MYH3: variants seen among roughly 807,000 people sequenced by gnomAD.
MYH3 encodes myosin heavy chain 3, also known as myosin-3.
Under a neutral mutation model 238.0 loss-of-function variants are expected in MYH3, and 130 were observed. The observed-to-expected ratio is 0.55, with a 90% CI of 0.47 to 0.63. The LOEUF (loss-of-function observed/expected upper bound fraction) is 0.63. MYH3 is among the 30% of genes least tolerant of loss of function. The probability of loss-of-function intolerance (pLI) is 0.00; values close to 1 mark genes in which losing one functional copy is unlikely to be tolerated. For synonymous variants in MYH3, 880 were observed against 924.1 expected, an observed-to-expected ratio of 0.95 and a Z score of 0.86; for missense variants, 1,853 against 2,374.9, an observed-to-expected ratio of 0.78 and a Z score of 4.57.
Position 10,633,612 on chromosome 17 carries a change from C to A in MYH3, c.4626G>T (p.Gln1542His). The A allele has an allele frequency of 6.2e-7, 1 of 1,613,670 alleles. No individual in the cohort carries two copies. Among genetic ancestry groups the A allele is most frequent in the Non-Finnish European group, 8.5e-7 (1 of 1,179,924 alleles). ...TCACCTCTGCTTCCTCGAGAGCCAG[C>A]TGGATATCAGCCTTTTCCAGCTCAA... ...KQIELEKADI[Q>H]LALEEAEAAL... is the part of the protein sequence containing the mutation. The change falls in exon 33 of 41, where the codon CAG (glutamine) becomes CAT (histidine). Residue 1542 changes from glutamine to histidine, a missense_variant. Physicochemically the swap from Gln to His is conservative, Grantham distance 24. Around this residue, in one of 3 missense-constraint regions of MYH3, gnomAD observed 1,044 missense variants for 1,192.6 expected, o/e 0.88. Transcript: ENST00000583535.
Position 10,646,021 on chromosome 17 carries a change from T to C in MYH3, c.910A>G (p.Ile304Val), listed in dbSNP as rs886052586. 4.3e-6 allele frequency: 7 copies of C among 1,613,670 alleles called. No individual in the cohort carries two copies. Among genetic ancestry groups the C allele is most frequent in the Non-Finnish European group, 5.9e-6 (7 of 1,179,672 alleles). ...GGGTAGTCGTAAGGGTTGGTCGTAA[T>C]AAGCAGCAGCTCTGAAATGACAAAT... Reference protein sequence around the residue: ...KKPELIELLLITTNPYDYPFI... With the variant: ...KKPELIELLLVTTNPYDYPFI... Residue 304 changes from isoleucine to valine, a missense_variant, in exon 11 of 41, where the codon ATT becomes GTT. This residue lies in a region of MYH3 where 678 missense variants were observed against 1,058.9 expected (regional missense o/e 0.64). Coordinates refer to ENST00000583535, the MANE Select transcript of MYH3 (RefSeq NM_002470.4).
At chr17:10,636,978 G>A (rs62060694) in intron 28 of MYH3, among the ~76,000 whole-genome samples, 87,365 of 151,612 alleles carry the variant, frequency 0.58, 28,003 homozygotes, top group Non-Finnish European at 0.73. Context: ...ACTGCCAGCC[G>A]AGGATGGATT....
chr17:10,633,860 G>C, intron 32 of MYH3, 145 bp from the exon 33 acceptor site: 1 of 1,473,060 alleles, frequency 6.8e-7, no homozygotes, highest in South Asian at 1.1e-5. Context: ...TACAGAGAGA[G>C]GCTAAAACGT....
chr17:10,660,393 T>C (rs1201400530), upstream of MYH3, among the ~76,000 whole-genome samples: 1 of 152,146 alleles, frequency 6.6e-6, no homozygotes, highest in Admixed American at 6.5e-5. Flanking sequence ...AAATAGTTTC[T>C]GGCCGGGCGC....
intron 24 of MYH3, 24 bp downstream of exon 24, chr17:10,639,274 T>C (rs1271633560): frequency 6.2e-7 from 1 of 1,614,028 alleles, no homozygotes; most frequent in African/African-American, 1.3e-5. Context: ...GTTCTGGGAC[T>C]CCCGATGAGC....
intron 4 of MYH3, 120 bp from the exon 5 acceptor site, chr17:10,651,788 G>A (rs1187055927): frequency 7.4e-7 from 1 of 1,351,624 alleles, no homozygotes; most frequent in African/African-American, 1.6e-5. Context: ...TCTGTCACCA[G>A]GCTGGAGTGC....
chr17:10,671,117 C>T, the MYH3 span, among the ~76,000 whole-genome samples: 1 of 152,166 alleles, frequency 6.6e-6, no homozygotes, highest in Admixed American at 6.5e-5. Flanking sequence ...TGGTCTCGAA[C>T]TCCTGACCTC....
At chr17:10,674,381 G>A in the MYH3 span, 868 of 225,772 alleles carry the variant, frequency 3.8e-3, 4 homozygotes, top group Non-Finnish European at 6.0e-3. Flanking sequence ...AGCCAAGATC[G>A]CACCACTGCT....
chr17:10,651,600 C>T lies in MYH3; in HGVS notation c.417G>A (p.Val139=), dbSNP rs942862860. 1.2e-6 allele frequency: 2 copies of T among 1,613,982 alleles called. No homozygotes were observed. Among genetic ancestry groups the T allele is most frequent in the Admixed American group, 3.3e-5 (2 of 60,010 alleles). ...GCTTTTTGCCTCGGTAGCCTTCCACCACCTCGGGGTTGTACACCGGCAGCC... is the reference window on the plus strand; with the variant it reads ...GCTTTTTGCCTCGGTAGCCTTCCACTACCTCGGGGTTGTACACCGGCAGCC... ...YKWLPVYNPE[V]VEGYRGKKRQ... The change falls in exon 5 of 41, where the codon GTG becomes GTA. Residue 139 remains valine (V), a synonymous_variant. Transcript: ENST00000583535.
rs1597480144 is a variant in MYH3, at chr17:10,630,021, T to G, written c.5562+71A>C. 4 of 1,605,874 alleles carry G rather than the reference T, an allele frequency of 2.5e-6. No homozygotes were observed. In the East Asian group the frequency reaches 8.9e-5, roughly 36 times the overall value. On this transcript the variant is annotated intron_variant, in intron 38 of 40. Transcript: ENST00000583535. ...TGGGCAGCTTTCTGGGCCAAAGTGT[T>G]TCTTCCTGTGGTTTGATGGAGAATC...
chr17:10,629,507 GCT>G, intron 40 of MYH3, 88 bp downstream of exon 40: 1 of 1,548,146 alleles, frequency 6.5e-7, no homozygotes, highest in South Asian at 1.1e-5. Flanking sequence ...AGACTCCCCA[GCT>G]CTAAAGTAAA....
chr17:10,642,461 T>C lies in MYH3; in HGVS notation c.1844A>G (p.Asn615Ser), dbSNP rs779771513. ...TVVGLYQKSS[N>S]RLLAHLYATF... ...GGCATAGAGGTGTGCCAGGAGCCTG[T>C]TGGAAGACTTCTGGTACAGCCCAAC... Residue 615 changes from asparagine (N) to serine (S), a missense_variant, in exon 16 of 41, where the codon AAC (asparagine) becomes AGC (serine). Physicochemically the swap from Asn to Ser is conservative, Grantham distance 46. This residue lies in a region of MYH3 where 678 missense variants were observed against 1,058.9 expected (regional missense o/e 0.64). Coordinates refer to ENST00000583535, the MANE Select transcript of MYH3 (RefSeq NM_002470.4). This position sits in a 1 kb window ranked among gnomAD's most constrained non-coding sequence, Gnocchi z 5.4. 3.7e-5 allele frequency: 60 copies of C among 1,614,074 alleles called. No homozygotes were observed. Among genetic ancestry groups the C allele is most frequent in the Admixed American group, 5.0e-5 (3 of 60,002 alleles).
chr17:10,636,041 T>C (rs542113255), intron 28 of MYH3, among the ~76,000 whole-genome samples, 188 bp from the exon 29 acceptor site: 16 of 152,238 alleles, frequency 1.1e-4, no homozygotes, highest in African/African-American at 3.9e-4. Flanking sequence ...GGTATTGTTG[T>C]AGGCCAGGTG....
chr17:10,673,382 G>GTGC, the MYH3 span: 1 of 152,116 alleles, frequency 6.6e-6, no homozygotes, highest in Non-Finnish European at 1.5e-5. Flanking sequence ...TGACTGTCTT[G>GTGC]TGCTGTGATC....
chr17:10,667,836 T>C, the MYH3 span, among the ~76,000 whole-genome samples: 1 of 151,784 alleles, frequency 6.6e-6, no homozygotes, highest in Non-Finnish European at 1.5e-5. Flanking sequence ...CTATTGAAAA[T>C]GATTACTTAT....
chr17:10,645,413 C>CAG (rs2142410036), intron 12 of MYH3, among the ~76,000 whole-genome samples: 1 of 152,130 alleles, frequency 6.6e-6, no homozygotes, highest in Non-Finnish European at 1.5e-5. Flanking sequence ...GCCTGGATGA[C>CAG]AGAGCAAAAC....
chr17:10,652,405 A>AAAGCCCTCGC lies in MYH3; in HGVS notation c.348+5_348+14dup, dbSNP rs775779244. ...CTAATGCCCCAGGGAAACCACGTCG[A>AAAGCCCTCGC]AAGCCCTCGCTGACATAGATCATCC... On this transcript the variant is annotated intron_variant, in intron 4 of 40. Transcript: ENST00000583535. The AAAGCCCTCGC allele has an allele frequency of 5.6e-6, 9 of 1,613,756 alleles. No homozygotes were observed. The highest frequency in any genetic ancestry group is 7.6e-6 in the Non-Finnish European group (9 of 1,179,962).
At chr17:10,656,781 C>T (rs1192013501) in intron 1 of MYH3, among the ~76,000 whole-genome samples, 1 of 152,166 alleles carries the variant, frequency 6.6e-6, no homozygotes, top group Non-Finnish European at 1.5e-5. Flanking sequence ...GGGCAGGTCT[C>T]CTTGTCTGTG....
chr17:10,648,726 A>G lies in MYH3; in HGVS notation c.643-77T>C, dbSNP rs377077115. The G allele has an allele frequency of 9.5e-5, 120 of 1,265,378 alleles. 1 individual carries two copies. In the East Asian group the frequency reaches 1.6e-3, roughly 17 times the overall value. The allele number at this position is 1,265,378 out of a possible 1,614,324, so 78.4% of individuals were successfully genotyped here. ...GTTACACTCTTGTTGCCCAGGCTGC[A>G]GTGCAATGGCACGATCTTGGCTTAC... On this transcript the variant is annotated intron_variant, in intron 7 of 40. Transcript: ENST00000583535.
Sources: gnomAD v4.1 joint callset for allele counts (sites outside exome capture counted in the v4.1 genomes callset) on GRCh38, gnomAD v4.1.1 for gene constraint, gnomAD v4.1.1 regional missense constraint, Gnocchi (gnomAD v3.1) non-coding constraint, MANE v1.5 for transcripts, NCBI Gene and HGNC (gene_info 2026-07-23, HGNC 2026-07-21) for gene names.